AQR: variants seen among roughly 807,000 people sequenced by gnomAD.
AQR encodes the protein RNA helicase aquarius.
In AQR, 61 loss-of-function variants were observed where a neutral mutation model predicts 180.5. The observed-to-expected ratio is 0.34, with a 90% CI of 0.28 to 0.42. The LOEUF is 0.42. Among genes scored for constraint, AQR ranks in the 10% least tolerant of loss-of-function variants. The pLI is 1.00. For missense variants in AQR, 1,281 were observed against 1,798.3 expected (o/e 0.71, Z 5.20); for synonymous variants, 551 against 588.8 (o/e 0.94, Z 0.93).
At chr15:34,882,956 G>A (rs925065226) in intron 26 of AQR, among the ~76,000 whole-genome samples, 1 of 152,082 alleles carries the variant, frequency 6.6e-6, no homozygotes, top group African/African-American at 2.4e-5. Flanking sequence ...ATGATTTCAG[G>A]TATTCATATC....
chr15:34,962,825 A>G (rs2050287795), intron 2 of AQR, among the ~76,000 whole-genome samples: 1 of 152,172 alleles, frequency 6.6e-6, no homozygotes, highest in Non-Finnish European at 1.5e-5. Context: ...TATTCGTAAG[A>G]ATTTAAGTTC....
intron 34 of AQR, among the ~76,000 whole-genome samples, chr15:34,859,302 C>T (rs894276326): frequency 1.8e-4 from 28 of 152,142 alleles, no homozygotes; most frequent in African/African-American, 5.8e-4. Flanking sequence ...TGAAAAGATG[C>T]TCATCATCAG....
At chr15:34,877,663 G>A (rs1892907461) in intron 27 of AQR, among the ~76,000 whole-genome samples, 1 of 152,100 alleles carries the variant, frequency 6.6e-6, no homozygotes, top group South Asian at 2.1e-4. Flanking sequence ...AAAATATAAT[G>A]CAATTTTACT....
At chr15:34,939,039 T>C (rs1893984959) in intron 8 of AQR, among the ~76,000 whole-genome samples, 3 of 152,144 alleles carry the variant, frequency 2.0e-5, no homozygotes, top group African/African-American at 7.2e-5. Flanking sequence ...AGCAAGCACC[T>C]CCTTCTCTCA....
At position 34,884,653 on chromosome 15, in the gene AQR, A is replaced by G. The variant is rs200434788; in HGVS notation, c.2899T>C (p.Phe967Leu). Reference sequence around the variant, plus strand: ...GCAAAGTATTCATGGAAAGGGAAGAAAGTGGAGACTTCCGTAACATCTGGC... The same window carrying G: ...GCAAAGTATTCATGGAAAGGGAAGAGAGTGGAGACTTCCGTAACATCTGGC... ...TLPDVTEVST[F>L]FPFHEYFANA... The change falls in exon 26 of 35, where the codon TTC becomes CTC. Residue 967 changes from phenylalanine (F) to leucine (L), a missense_variant. Transcript: ENST00000156471. 8.7e-6 allele frequency: 14 copies of G among 1,612,590 alleles called. No homozygotes were observed. The Admixed American group carries it at 2.3e-4, about 27-fold the overall frequency.
chr15:34,858,322 A>T (rs1249876250), intron 34 of AQR, among the ~76,000 whole-genome samples: 1 of 2,546 alleles, frequency 3.9e-4, no homozygotes, highest in African/African-American at 5.0e-4. Flanking sequence ...GACAGCAGCA[A>T]AAAAAAAAAA....
In AQR at chr15:34,890,319, T is replaced by A; in HGVS notation, c.2577A>T (p.Leu859=). The part of the protein sequence containing the change: ...TLIVTHSNQA[L]NQLFEKIMAL... Reference sequence around the variant, plus strand: ...CCATGATTTTCTCAAACAACTGGTTTAGGGCCTAGACAATAAAGCAAGAAG... The same window carrying A: ...CCATGATTTTCTCAAACAACTGGTTAAGGGCCTAGACAATAAAGCAAGAAG... Residue 859 remains leucine (L), a synonymous_variant, in exon 24 of 35, where the codon CTA becomes CTT. Coordinates refer to ENST00000156471, the MANE Select transcript of AQR (RefSeq NM_014691.3). 6.2e-7 allele frequency: 1 copy of A among 1,613,408 alleles called. No individual in the cohort carries two copies.
intron 22 of AQR, among the ~76,000 whole-genome samples, chr15:34,896,297 G>C (rs1186296004): frequency 6.6e-6 from 1 of 152,120 alleles, no homozygotes; most frequent in Admixed American, 6.5e-5. Flanking sequence ...AATGTATACA[G>C]TCATCAAAAC....
intron 11 of AQR, 21 bp from the exon 12 acceptor site, chr15:34,930,392 G>A (rs1160165671): frequency 1.5e-6 from 2 of 1,343,940 alleles, no homozygotes; most frequent in Non-Finnish European, 2.1e-6. Flanking sequence ...ACATTTACAT[G>A]TATAAATCAT....
intron 17 of AQR, among the ~76,000 whole-genome samples, chr15:34,907,011 C>T (rs1251339341): frequency 6.6e-6 from 1 of 152,032 alleles, no homozygotes; most frequent in Admixed American, 6.6e-5. Context: ...ATTGGATGTT[C>T]GTCATCATTC....
chr15:34,906,491 A>G (rs1457851832), intron 18 of AQR, 54 bp downstream of exon 18: 1 of 1,564,594 alleles, frequency 6.4e-7, no homozygotes, highest in South Asian at 1.2e-5. Context: ...GGAAAAAGGC[A>G]AAGAAATTTA....
intron 10 of AQR, 31 bp downstream of exon 10, chr15:34,934,540 T>C (rs1163908314): frequency 3.3e-6 from 5 of 1,535,622 alleles, no homozygotes; most frequent in Admixed American, 4.0e-5. Flanking sequence ...CTAATGATTA[T>C]ATAACAAAAA....
Position 34,915,077 on chromosome 15 carries a change from C to T in AQR, c.1445G>A (p.Arg482His), listed in dbSNP as rs879477579. 6.2e-7 allele frequency: 1 copy of T among 1,612,532 alleles called. No homozygotes were observed. The highest frequency in any genetic ancestry group is 8.5e-7 in the Non-Finnish European group (1 of 1,179,724). The change falls in exon 16 of 35, where the codon CGT becomes CAT. Residue 482 changes from arginine to histidine, a missense_variant. Arg to His is a conservative substitution (Grantham distance 29, BLOSUM62 0). This residue lies in a region of AQR where 200 missense variants were observed against 293.4 expected (regional missense o/e 0.68). Transcript: ENST00000156471. The stretch of plus-strand genomic sequence containing the variant: ...GCTGACACTATCTTCAATGTCCTGA[C>T]GAATTTCATAAGTTGATTCTAAGCG... ...LFRLESTYEI[R>H]QDIEDSVSRM...
At position 34,859,081 on chromosome 15, in the gene AQR, A is replaced by G. The variant is rs186858642; in HGVS notation, c.4143+961T>C. Among the ~76,000 whole-genome samples the G allele has an allele frequency of 4.3e-3, 658 of 152,350 alleles. 3 individuals carry two copies. Among genetic ancestry groups the G allele is most frequent in the Non-Finnish European group, 6.3e-3 (428 of 68,030 alleles). On this transcript the variant is annotated intron_variant, in intron 34 of 34. Transcript: ENST00000156471. ...GATACATTGAACTTCATCAAAATTT[A>G]AAACTTTTGCTCTTTGAAAGACACT...
chr15:34,866,225 C>T (rs1008271005), intron 32 of AQR, among the ~76,000 whole-genome samples: 5 of 151,996 alleles, frequency 3.3e-5, no homozygotes, highest in African/African-American at 1.2e-4. Flanking sequence ...GCTAAGATAC[C>T]TAGGCTAAGC....
chr15:34,953,350 C>T lies in AQR; in HGVS notation c.174-430G>A, dbSNP rs545038488. 4.6e-5 allele frequency among the ~76,000 whole-genome samples: 7 copies of T among 152,286 alleles called. No individual in the cohort carries two copies. The South Asian group carries it at 1.2e-3, about 27-fold the overall frequency. On this transcript the variant is annotated intron_variant, in intron 3 of 34. Transcript: ENST00000156471. Reference sequence around the variant, plus strand: ...TATAGTCATGTTTGTCCCAAACATACTTACGCTGTCCCGAAGCAGACACAA... The same window carrying T: ...TATAGTCATGTTTGTCCCAAACATATTTACGCTGTCCCGAAGCAGACACAA...
chr15:34,897,747 G>C, intron 20 of AQR, 42 bp from the exon 21 acceptor site: 1 of 1,599,530 alleles, frequency 6.3e-7, no homozygotes, highest in Non-Finnish European at 8.6e-7. Flanking sequence ...AATTAACAAG[G>C]ATTTACTGAG....
intron 27 of AQR, among the ~76,000 whole-genome samples, chr15:34,876,253 A>T (rs1461171496): frequency 6.6e-6 from 1 of 152,228 alleles, no homozygotes; most frequent in Non-Finnish European, 1.5e-5. Flanking sequence ...ACAACTTTAC[A>T]TTGAAAAGAT....
intron 16 of AQR, among the ~76,000 whole-genome samples, chr15:34,914,144 G>A (rs1007038883): frequency 6.6e-6 from 1 of 151,998 alleles, no homozygotes; most frequent in Admixed American, 6.5e-5. Context: ...TGTATACATG[G>A]TGTCCTATTA....
Sources: gnomAD v4.1 joint callset for allele counts (sites outside exome capture counted in the v4.1 genomes callset) on GRCh38, gnomAD v4.1.1 for gene constraint, gnomAD v4.1.1 regional missense constraint, MANE v1.5 for transcripts, NCBI Gene and HGNC (gene_info 2026-07-23, HGNC 2026-07-21) for gene names.